Variants in WTAP observed in about 807,000 individuals in gnomAD.
The protein encoded by WTAP is pre-mRNA-splicing regulator WTAP.
A neutral mutation model predicts 50.0 loss-of-function variants in WTAP; 8 were observed. The observed-to-expected ratio is 0.16, with a 90% CI of 0.09 to 0.29. WTAP has a LOEUF of 0.29. Ranked by LOEUF, WTAP falls within the 10% of genes least tolerant of loss-of-function variation. The pLI, the probability that WTAP is intolerant of heterozygous loss-of-function variation, is 1.00. For synonymous variants in WTAP, 194 were observed against 169.0 expected (o/e 1.15, Z -1.15); for missense variants, 295 against 470.7 (o/e 0.63, Z 3.45).
At chr6:159,736,323 G>C (rs974193935) in intron 2 of WTAP, 28 bp downstream of exon 2, 3 of 1,582,532 alleles carry the variant, frequency 1.9e-6, no homozygotes, top group Non-Finnish European at 2.6e-6. Flanking sequence ...GGGTTTTTTT[G>C]TTTTGTTTTG....
At chr6:159,747,796 A>G (rs1297047790) in intron 5 of WTAP, among the ~76,000 whole-genome samples, 2 of 152,078 alleles carry the variant, frequency 1.3e-5, no homozygotes, top group African/African-American at 2.4e-5. Flanking sequence ...TTTTTTGGTA[A>G]TGTTTGGATT....
At chr6:159,743,616 T>C in intron 4 of WTAP, 49 bp from the exon 5 acceptor site, 1 of 1,534,238 alleles carries the variant, frequency 6.5e-7, no homozygotes, top group Non-Finnish European at 8.8e-7. Flanking sequence ...CAGAGGTATT[T>C]AGAACTTGAT....
At chr6:159,745,222 C>T (rs752819569) in intron 5 of WTAP, 1 of 152,170 alleles carries the variant, frequency 6.6e-6, no homozygotes, top group South Asian at 2.1e-4. Context: ...TTCCATTTCT[C>T]TTCCGGATTC....
rs1411931723 is a variant in WTAP at position 159,756,260 on chromosome 6, C to G, written c.*649C>G. 1.3e-5 allele frequency: 2 copies of G among 152,654 alleles called. No individual in the cohort carries two copies. Among genetic ancestry groups the G allele is most frequent in the African/African-American group, 4.8e-5 (2 of 41,424 alleles). The allele number at this position is 152,654 out of a possible 1,614,324, so 9.5% of individuals were successfully genotyped here. ...TGTTAATGCATATTGCTCTGTGACT[C>G]CAGTATATCTTACCTGTACTGACCA... is the stretch of plus-strand genomic sequence containing the variant. On this transcript the variant is annotated 3_prime_UTR_variant, in exon 8 of 8. Coordinates refer to ENST00000621533, the MANE Select transcript of WTAP (RefSeq NM_001270531.2).
chr6:159,728,779 CATT>C (rs1040730922), intron 1 of WTAP, among the ~76,000 whole-genome samples: 2 of 152,162 alleles, frequency 1.3e-5, no homozygotes, highest in African/African-American at 4.8e-5. Context: ...GTTGAGGTTA[CATT>C]TTAAGGGTTT....
At chr6:159,749,496 G>C (rs1430330381) in intron 6 of WTAP, 1 of 949,708 alleles carries the variant, frequency 1.1e-6, no homozygotes, top group Admixed American at 6.2e-5. Context: ...TTTAATTTGG[G>C]GCGGGGAGGG....
In WTAP at chr6:159,735,635, G is replaced by C. The variant is rs1011240693; in HGVS notation, c.-8-623G>C. ...GTGGTGGCACGCACCTGTAGTCCCAGCTATTTAGGGGGCTGAGGCAGGAGA... is the reference window on the plus strand; with the variant it reads ...GTGGTGGCACGCACCTGTAGTCCCACCTATTTAGGGGGCTGAGGCAGGAGA... On this transcript the variant is annotated intron_variant, in intron 1 of 7. Coordinates refer to ENST00000621533, the MANE Select transcript of WTAP (RefSeq NM_001270531.2). Among the ~76,000 whole-genome samples the C allele has an allele frequency of 2.6e-5, 4 of 152,108 alleles. No homozygotes were observed. In the East Asian group the frequency reaches 7.7e-4, roughly 29 times the overall value.
chr6:159,728,234 A>G (rs557035743), intron 1 of WTAP, among the ~76,000 whole-genome samples: 26 of 152,338 alleles, frequency 1.7e-4, no homozygotes, highest in African/African-American at 6.0e-4. Context: ...GTGAAATCCA[A>G]GTCTTACCTT....
intron 5 of WTAP, among the ~76,000 whole-genome samples, chr6:159,745,603 G>T (rs1398974784): frequency 6.6e-6 from 1 of 152,088 alleles, no homozygotes; most frequent in Non-Finnish European, 1.5e-5. Flanking sequence ...AAAGTTTCAG[G>T]TGAGAGTGAA....
chr6:159,734,725 GC>G (rs1778799455), intron 1 of WTAP, among the ~76,000 whole-genome samples: 1 of 152,140 alleles, frequency 6.6e-6, no homozygotes, highest in African/African-American at 2.4e-5. Context: ...TATGCCAAAT[GC>G]AATTTAGATG....
intron 1 of WTAP, among the ~76,000 whole-genome samples, chr6:159,734,415 T>C (rs1467667417): frequency 6.6e-6 from 1 of 152,070 alleles, no homozygotes; most frequent in Non-Finnish European, 1.5e-5. Flanking sequence ...TACCAAGCTT[T>C]TGGTCAAATT....
chr6:159,744,222 C>G (rs1329360123), intron 5 of WTAP, among the ~76,000 whole-genome samples: 1 of 151,522 alleles, frequency 6.6e-6, no homozygotes. Context: ...TTTAGTGTCT[C>G]CTTTTTAATT....
At chr6:159,728,426 AAAAC>A (rs1250312474) in intron 1 of WTAP, among the ~76,000 whole-genome samples, 1 of 133,206 alleles carries the variant, frequency 7.5e-6, no homozygotes, top group Non-Finnish European at 1.6e-5. Context: ...AAAACAAAAC[AAAAC>A]AAAAAAACTA....
chr6:159,753,244 G>A, intron 6 of WTAP: 1 of 580,830 alleles, frequency 1.7e-6, no homozygotes, highest in Non-Finnish European at 3.0e-6. Flanking sequence ...TAGCTGTTTG[G>A]GCACTTTTTG....
In WTAP at chr6:159,748,065, C is replaced by T; in HGVS notation, c.274-126C>T. ...GTTTTAAGATTTTTCTAGAGAATTT[C>T]AGGATCAAAGAGGGGAGGAGCTTAA... On this transcript the variant is annotated intron_variant, in intron 5 of 7. Coordinates refer to ENST00000621533, the MANE Select transcript of WTAP (RefSeq NM_001270531.2). The surrounding 1 kb of genome is among the most constrained non-coding windows in gnomAD (Gnocchi z 5.6). 6 of 1,207,634 alleles carry T rather than the reference C, an allele frequency of 5.0e-6. No individual in the cohort carries two copies. Among genetic ancestry groups the T allele is most frequent in the Non-Finnish European group, 6.8e-6 (6 of 878,558 alleles). 74.8% of individuals were successfully genotyped at this position (1,207,634 alleles called of 1,614,324 possible). A position where few individuals can be genotyped will look rare whatever the true frequency, so the allele number is the denominator to read the frequency against.
At chr6:159,753,836 C>T (rs1779908789) in intron 7 of WTAP, among the ~76,000 whole-genome samples, 1 of 152,066 alleles carries the variant, frequency 6.6e-6, no homozygotes, top group African/African-American at 2.4e-5. Context: ...TTCAAAATTT[C>T]TTACATTTTT....
At position 159,755,760 on chromosome 6, in the gene WTAP, C is replaced by CTTTTTTTTTTTTTTTTTTT. The variant is rs1779984995; in HGVS notation, c.*153_*154insTTTTTTTTTTTTTTTTTTT. The CTTTTTTTTTTTTTTTTTTT allele has an allele frequency of 4.6e-5, 13 of 283,668 alleles. No homozygotes were observed. Among genetic ancestry groups the CTTTTTTTTTTTTTTTTTTT allele is most frequent in the South Asian group, 1.9e-4 (1 of 5,158 alleles). The allele number at this position is 283,668 out of a possible 1,614,324, so 17.6% of individuals were successfully genotyped here. A position where few individuals can be genotyped will look rare whatever the true frequency, so the allele number is the denominator to read the frequency against. On this transcript the variant is annotated 3_prime_UTR_variant, in exon 8 of 8. Coordinates refer to ENST00000621533, the MANE Select transcript of WTAP (RefSeq NM_001270531.2). ...TGTTTTTTTTCTTTGTTTTTTTTTT[C>CTTTTTTTTTTTTTTTTTTT]TTTTCTTTTTTTTTTTTTTTTTTTT... is the stretch of plus-strand genomic sequence containing the variant.
At chr6:159,732,929 T>C (rs1778678804) in intron 1 of WTAP, among the ~76,000 whole-genome samples, 1 of 139,600 alleles carries the variant, frequency 7.2e-6, no homozygotes, top group African/African-American at 3.0e-5. Context: ...AAAATTGATA[T>C]TTAGCTCCAG....
rs1583091982 is a variant in WTAP, at chr6:159,743,857, A to T, written c.273+65A>T. The T allele has an allele frequency of 2.0e-6, 3 of 1,466,430 alleles. No individual in the cohort carries two copies. The African/African-American group carries it at 4.3e-5, about 21-fold the overall frequency. The allele number at this position is 1,466,430 out of a possible 1,614,324, so 90.8% of individuals were successfully genotyped here. ...ATTGGTTTTTAGTCCACATTATTAC[A>T]TGTTAATTTTAAACATTTAATGCTA... On this transcript the variant is annotated intron_variant, in intron 5 of 7. Transcript: ENST00000621533.
Sources: allele counts gnomAD v4.1 joint callset (sites outside exome capture counted in the v4.1 genomes callset), GRCh38; gene constraint gnomAD v4.1.1; non-coding constraint Gnocchi (gnomAD v3.1); transcripts MANE v1.5; gene names NCBI Gene and HGNC (gene_info 2026-07-23, HGNC 2026-07-21).